RBFOX1: variants seen among roughly 807,000 people sequenced by gnomAD.
RBFOX1 encodes the protein RNA binding fox-1 homolog 1.
Under a neutral mutation model 57.7 loss-of-function variants are expected in RBFOX1, and 8 were observed. That is an observed-to-expected ratio of 0.14 (90% CI 0.08 to 0.25). The LOEUF (loss-of-function observed/expected upper bound fraction) is 0.25. RBFOX1 is among the 10% of genes least tolerant of loss of function. RBFOX1 has a pLI of 1.00. For synonymous variants in RBFOX1, 326 were observed against 222.4 expected (o/e 1.47, Z -4.15); for missense variants, 611 against 548.5 (o/e 1.11, Z -1.14).
intron 4 of RBFOX1, among the ~76,000 whole-genome samples, chr16:7,309,301 C>T (rs964174233): frequency 6.6e-6 from 1 of 152,352 alleles, no homozygotes; most frequent in East Asian, 1.9e-4. Context: ...TGCTTCCCCC[C>T]TTTGGGGAAC....
At chr16:5,240,920 G>T (rs1044868429) in intron 1 of RBFOX1, among the ~76,000 whole-genome samples, 2 of 152,212 alleles carry the variant, frequency 1.3e-5, no homozygotes, top group Non-Finnish European at 1.5e-5. Flanking sequence ...GCAGATGAGG[G>T]CCCCCTGGAG....
chr16:5,344,032 C>G (rs964208890), intron 1 of RBFOX1, among the ~76,000 whole-genome samples: 1 of 152,194 alleles, frequency 6.6e-6, no homozygotes, highest in Admixed American at 6.5e-5. Flanking sequence ...TTATGCTTCT[C>G]TGTGCTGGGA....
chr16:5,481,734 A>T (rs8060174), intron 2 of RBFOX1, among the ~76,000 whole-genome samples: 1 of 152,098 alleles, frequency 6.6e-6, no homozygotes, highest in Admixed American at 6.5e-5. Flanking sequence ...GCATTCTGCC[A>T]TCATTCTGGA....
chr16:6,938,466 C>G (rs922707040), intron 3 of RBFOX1, among the ~76,000 whole-genome samples: 7 of 152,174 alleles, frequency 4.6e-5, no homozygotes, highest in Admixed American at 4.6e-4. Flanking sequence ...CATCACTTTT[C>G]TTGTCTGAGA....
chr16:6,061,703 T>C (rs2095688404), intron 1 of RBFOX1, among the ~76,000 whole-genome samples: 1 of 152,082 alleles, frequency 6.6e-6, no homozygotes, highest in Non-Finnish European at 1.5e-5. Flanking sequence ...AGATATACTA[T>C]CATACATAGA....
intron 1 of RBFOX1, among the ~76,000 whole-genome samples, chr16:6,222,572 A>G (rs934059563): frequency 6.6e-6 from 1 of 151,806 alleles, no homozygotes; most frequent in Non-Finnish European, 1.5e-5. Context: ...TTTAGTGCAC[A>G]TAACAATCAC....
intron 4 of RBFOX1, among the ~76,000 whole-genome samples, chr16:5,971,656 GA>G (rs1274090009): frequency 6.6e-6 from 1 of 152,190 alleles, no homozygotes; most frequent in African/African-American, 2.4e-5. Context: ...TGAGGATAAT[GA>G]TGCCTTCCCT....
intron 3 of RBFOX1, among the ~76,000 whole-genome samples, chr16:5,801,837 A>G (rs1035627463): frequency 3.3e-5 from 5 of 152,210 alleles, no homozygotes; most frequent in African/African-American, 1.2e-4. Context: ...ATCATTAAAA[A>G]TCAGAATGTT....
Position 6,841,484 on chromosome 16 carries a change from G to A in RBFOX1, c.-16+186834G>A, listed in dbSNP as rs113929744. 7.7e-4 allele frequency among the ~76,000 whole-genome samples: 117 copies of A among 152,264 alleles called. 1 individual carries two copies. Among genetic ancestry groups the A allele is most frequent in the African/African-American group, 2.7e-3 (112 of 41,526 alleles). ...CTCATGCAACCTGAGTGGAAGGGGA[G>A]AGTCATTAATGCGGTAGATCTGGAT... On this transcript the variant is annotated intron_variant, in intron 3 of 15. Coordinates refer to ENST00000550418, the MANE Select transcript of RBFOX1 (RefSeq NM_018723.4).
At chr16:6,624,976 C>T (rs1248238134) in intron 2 of RBFOX1, among the ~76,000 whole-genome samples, 1 of 151,724 alleles carries the variant, frequency 6.6e-6, no homozygotes, top group Non-Finnish European at 1.5e-5. Context: ...ACCAGCCTGG[C>T]CAACATGGTG....
At chr16:5,620,909 C>T (rs948232144) in intron 3 of RBFOX1, among the ~76,000 whole-genome samples, 2 of 151,580 alleles carry the variant, frequency 1.3e-5, no homozygotes, top group Non-Finnish European at 2.9e-5. Flanking sequence ...AGTGTGATCT[C>T]GGCTCACTGC....
intron 3 of RBFOX1, among the ~76,000 whole-genome samples, chr16:6,912,812 G>C (rs906640100): frequency 1.3e-5 from 2 of 151,516 alleles, no homozygotes; most frequent in African/African-American, 2.4e-5. Context: ...GACAGACTTT[G>C]TCCCACTGTG....
At chr16:5,598,107 G>C (rs1393904531) in intron 2 of RBFOX1, among the ~76,000 whole-genome samples, 1 of 152,012 alleles carries the variant, frequency 6.6e-6, no homozygotes, top group Non-Finnish European at 1.5e-5. Flanking sequence ...GACCAGCCTG[G>C]CCAACATGGC....
chr16:5,928,978 G>T (rs1027003666), intron 4 of RBFOX1, among the ~76,000 whole-genome samples: 1 of 150,698 alleles, frequency 6.6e-6, no homozygotes, highest in African/African-American at 2.4e-5. Flanking sequence ...TGCAGATCCA[G>T]CTGTGAGCTG....
At chr16:6,232,909 T>C (rs2097475676) in intron 1 of RBFOX1, among the ~76,000 whole-genome samples, 1 of 152,116 alleles carries the variant, frequency 6.6e-6, no homozygotes, top group Non-Finnish European at 1.5e-5. Flanking sequence ...TTCTGTGAGA[T>C]GTGGACAGCG....
chr16:6,722,218 C>T (rs1274935612), intron 3 of RBFOX1, among the ~76,000 whole-genome samples: 1 of 152,310 alleles, frequency 6.6e-6, no homozygotes, highest in Admixed American at 6.5e-5. Context: ...TTTGAAGGAA[C>T]CACTATCCTG....
At chr16:7,583,071 C>A (rs1441327203) in intron 6 of RBFOX1, among the ~76,000 whole-genome samples, 1 of 151,956 alleles carries the variant, frequency 6.6e-6, no homozygotes, top group African/African-American at 2.4e-5. Context: ...CCTTTTCCAC[C>A]TTGTGCTTCA....
chr16:7,706,644 C>A (rs937172584), intron 14 of RBFOX1, among the ~76,000 whole-genome samples: 3 of 152,166 alleles, frequency 2.0e-5, no homozygotes, highest in African/African-American at 7.2e-5. Context: ...GCCATAACAT[C>A]ACTTAACAAA....
At chr16:5,333,445 TA>T (rs5815237) in intron 1 of RBFOX1, among the ~76,000 whole-genome samples, 137,279 of 152,112 alleles carry the variant, frequency 0.9, 63,658 homozygotes, top group East Asian at 1. Flanking sequence ...ACCTGGCCCT[TA>T]ATAGGAAGAG....
Sources: gnomAD v4.1 joint callset for allele counts (sites outside exome capture counted in the v4.1 genomes callset) on GRCh38, gnomAD v4.1.1 for gene constraint, MANE v1.5 for transcripts, NCBI Gene and HGNC (gene_info 2026-07-23, HGNC 2026-07-21) for gene names.